JAG1: variants seen among roughly 807,000 people sequenced by gnomAD.
JAG1 encodes jagged canonical Notch ligand 1.
JAG1 carries 23 observed loss-of-function variants against 148.7 expected under a neutral mutation model. The observed-to-expected ratio is 0.15, with a 90% CI of 0.11 to 0.22. The LOEUF is 0.22. Ranked by LOEUF, JAG1 falls within the 10% of genes least tolerant of loss-of-function variation. The pLI, the probability that JAG1 is intolerant of heterozygous loss-of-function variation, is 1.00. For missense variants in JAG1, 1,054 were observed against 1,611.2 expected (o/e 0.65, Z 5.92); for synonymous variants, 572 against 598.3 (o/e 0.96, Z 0.64).
intron 3 of JAG1, chr20:10,662,078 G>A (rs1303580686): frequency 6.6e-6 from 1 of 152,240 alleles, no homozygotes; most frequent in African/African-American, 2.4e-5. Context: ...CATCATAAAA[G>A]AGGCCAAATA....
intron 13 of JAG1, chr20:10,647,397 T>C: frequency 2.0e-6 from 1 of 492,464 alleles, no homozygotes; most frequent in Non-Finnish European, 3.7e-6. Flanking sequence ...TGGTAAACAC[T>C]TGCTAAGGCA....
intron 2 of JAG1, among the ~76,000 whole-genome samples, chr20:10,669,254 C>T (rs978648862): frequency 1.3e-5 from 2 of 152,056 alleles, no homozygotes; most frequent in African/African-American, 2.4e-5. Flanking sequence ...TGAGCACATA[C>T]GTACACACAT....
intron 12 of JAG1, among the ~76,000 whole-genome samples, 174 bp from the exon 13 acceptor site, chr20:10,648,284 A>C (rs2067322921): frequency 6.6e-6 from 1 of 152,170 alleles, no homozygotes; most frequent in Non-Finnish European, 1.5e-5. Flanking sequence ...CCAGTATTTG[A>C]AACAACGGGG....
chr20:10,645,020 C>T lies in JAG1; in HGVS notation c.2228-41G>A. The T allele has an allele frequency of 6.4e-7, 1 of 1,563,144 alleles. No individual in the cohort carries two copies. Among genetic ancestry groups the T allele is most frequent in the Non-Finnish European group, 8.8e-7 (1 of 1,133,672 alleles). On this transcript the variant is annotated intron_variant, in intron 17 of 25. Coordinates refer to ENST00000254958, the MANE Select transcript of JAG1 (RefSeq NM_000214.3). The surrounding 1 kb of genome is among the most constrained non-coding windows in gnomAD (Gnocchi z 6.1). ...AGACACGACCACCCTCCCTGAGTATCCAGAAACAGTCTGGAGGGGCAAGAA... is the reference window on the plus strand; with the variant it reads ...AGACACGACCACCCTCCCTGAGTATTCAGAAACAGTCTGGAGGGGCAAGAA...
At chr20:10,666,402 G>A (rs1265072659) in intron 2 of JAG1, among the ~76,000 whole-genome samples, 1 of 152,138 alleles carries the variant, frequency 6.6e-6, no homozygotes, top group Non-Finnish European at 1.5e-5. Context: ...CCACAGAGCA[G>A]CAAATCCACT....
At chr20:10,663,933 TAGAGA>T (rs1333104575) in intron 3 of JAG1, 25 bp downstream of exon 3, 12 of 1,599,860 alleles carry the variant, frequency 7.5e-6, no homozygotes, top group South Asian at 1.1e-5. Flanking sequence ...CACGTGTGTT[TAGAGA>T]AAAGTCCACA....
intron 13 of JAG1, among the ~76,000 whole-genome samples, chr20:10,647,643 C>T (rs1000456134): frequency 4.6e-5 from 7 of 152,224 alleles, no homozygotes; most frequent in Non-Finnish European, 8.8e-5. Flanking sequence ...CTCTGTCTGC[C>T]GTTGCAGGAA....
At position 10,658,737 on chromosome 20, in the gene JAG1, A is replaced by T. The variant is rs2273060; in HGVS notation, c.440-15T>A. 1 of 1,613,696 alleles carries T rather than the reference A, an allele frequency of 6.2e-7. No individual in the cohort carries two copies. The highest frequency in any genetic ancestry group is 8.5e-7 in the Non-Finnish European group (1 of 1,179,774). On this transcript the variant is annotated splice_polypyrimidine_tract_variant and intron_variant, in intron 3 of 25. Coordinates refer to ENST00000254958, the MANE Select transcript of JAG1 (RefSeq NM_000214.3). Reference sequence around the variant, plus strand: ...ACTGTCAGGTTCTAGAGACAAAGTGATGAATCATGTTAATATTCACATTGC... The same window carrying T: ...ACTGTCAGGTTCTAGAGACAAAGTGTTGAATCATGTTAATATTCACATTGC...
chr20:10,649,492 G>A (rs760857867), intron 10 of JAG1, 30 bp downstream of exon 10: 2 of 1,451,528 alleles, frequency 1.4e-6, no homozygotes, highest in Non-Finnish European at 9.7e-7. Flanking sequence ...CAAGTTTCAT[G>A]AAAATCAAAA....
At chr20:10,665,407 G>A (rs1237528877) in intron 2 of JAG1, among the ~76,000 whole-genome samples, 3 of 152,168 alleles carry the variant, frequency 2.0e-5, no homozygotes, top group Admixed American at 6.5e-5. Flanking sequence ...AAGCAAAACC[G>A]GGCAAGCCAG....
intron 2 of JAG1, among the ~76,000 whole-genome samples, chr20:10,666,593 C>T (rs3790162): frequency 3.3e-5 from 5 of 152,280 alleles, no homozygotes; most frequent in South Asian, 2.1e-4. Flanking sequence ...AAGACTCTGC[C>T]GAAGAGTCAC....
In JAG1 at chr20:10,645,503, G is replaced by C. The variant is rs779972879; in HGVS notation, c.2000-34C>G. 11 of 1,551,142 alleles carry C rather than the reference G, an allele frequency of 7.1e-6. No individual in the cohort carries two copies. In the South Asian group the frequency reaches 1.0e-4, roughly 14 times the overall value. The stretch of plus-strand genomic sequence containing the variant: ...AAAGGGGAGACAATCGGCTGAAGAC[G>C]AGATCCAGGACCATTCACGACAGGC... On this transcript the variant is annotated intron_variant, in intron 15 of 25. Transcript: ENST00000254958. The surrounding 1 kb of genome is among the most constrained non-coding windows in gnomAD (Gnocchi z 6.1).
In JAG1 at chr20:10,673,099, G is replaced by A. The variant is rs1197877691; in HGVS notation, c.82-93C>T. ...ACTCCCTCCCACTCCCCGCCCCGAC[G>A]AGCCCTCCTCGCCGAGTGAAAATAA... On this transcript the variant is annotated intron_variant, in intron 1 of 25. Transcript: ENST00000254958. This position sits in a 1 kb window ranked among gnomAD's most constrained non-coding sequence, Gnocchi z 4.7. 1.5e-5 allele frequency: 17 copies of A among 1,161,868 alleles called. No individual in the cohort carries two copies. Among genetic ancestry groups the A allele is most frequent in the Admixed American group, 7.4e-5 (4 of 54,124 alleles). 72.0% of individuals were successfully genotyped at this position (1,161,868 alleles called of 1,614,324 possible).
chr20:10,641,469 C>A lies in JAG1; in HGVS notation c.2907G>T (p.Met969Ile). Residue 969 changes from methionine (M) to isoleucine (I), a missense_variant, in exon 23 of 26, where the codon ATG becomes ATT. Transcript: ENST00000254958. ...ANITFTFNKE[M>I]MSPGLTTEHI... ...AAAGGTTGTTACATACTGGTGACAT[C>A]ATCTCCTTGTTAAAGGTAAATGTGA... 6.2e-7 allele frequency: 1 copy of A among 1,613,462 alleles called. No individual in the cohort carries two copies. Among genetic ancestry groups the A allele is most frequent in the Non-Finnish European group, 8.5e-7 (1 of 1,179,458 alleles).
intron 8 of JAG1, 163 bp from the exon 9 acceptor site, chr20:10,650,523 A>C (rs1858435196): frequency 1.6e-6 from 1 of 623,680 alleles, no homozygotes; most frequent in East Asian, 2.8e-5. Context: ...ATAAGGCCGA[A>C]GCCTTGATTT....
chr20:10,662,886 G>A (rs2067426771), intron 3 of JAG1, among the ~76,000 whole-genome samples: 1 of 152,126 alleles, frequency 6.6e-6, no homozygotes, highest in South Asian at 2.1e-4. Context: ...TGACCCAAAT[G>A]GCCTGGGACT....
chr20:10,648,798 T>C, intron 11 of JAG1, 76 bp from the exon 12 acceptor site: 1 of 1,412,742 alleles, frequency 7.1e-7, no homozygotes. Flanking sequence ...TTCAGCGGTT[T>C]AGCATGACTG....
At chr20:10,660,614 A>T (rs2067409978) in intron 3 of JAG1, among the ~76,000 whole-genome samples, 1 of 152,170 alleles carries the variant, frequency 6.6e-6, no homozygotes, top group Non-Finnish European at 1.5e-5. Flanking sequence ...CTTTCCACTT[A>T]TTTCCGGGAA....
At chr20:10,672,434 TC>T (rs2067503061) in intron 2 of JAG1, among the ~76,000 whole-genome samples, 1 of 152,138 alleles carries the variant, frequency 6.6e-6, no homozygotes, top group African/African-American at 2.4e-5. Flanking sequence ...ACACCGGCCT[TC>T]CTAGGAGCCT....
Sources: allele counts gnomAD v4.1 joint callset (sites outside exome capture counted in the v4.1 genomes callset), GRCh38; gene constraint gnomAD v4.1.1; non-coding constraint Gnocchi (gnomAD v3.1); transcripts MANE v1.5; gene names NCBI Gene and HGNC (gene_info 2026-07-23, HGNC 2026-07-21).